The following LRP1B variants were observed in gnomAD, a reference collection of about 807,000 sequenced individuals.
LRP1B encodes LDL receptor related protein 1B, also known as low-density lipoprotein receptor-related protein 1B.
A neutral mutation model predicts 556.6 loss-of-function variants in LRP1B; 217 were observed. The ratio of observed to expected loss-of-function variants is 0.39; its 90% CI spans 0.35 to 0.44. The LOEUF (loss-of-function observed/expected upper bound fraction) is 0.44. Ranked by LOEUF, LRP1B falls within the 20% of genes least tolerant of loss-of-function variation. The probability of loss-of-function intolerance (pLI) is 1.00; values close to 1 mark genes in which losing one functional copy is unlikely to be tolerated. For missense variants in LRP1B, 5,053 were observed against 5,620.8 expected (o/e 0.90, Z 3.23); for synonymous variants, 2,047 against 1,865.8 (o/e 1.10, Z -2.50).
chr2:141,122,045 C>T (rs1349706152), intron 7 of LRP1B, among the ~76,000 whole-genome samples: 8 of 152,174 alleles, frequency 5.3e-5, no homozygotes, highest in Non-Finnish European at 7.4e-5. Flanking sequence ...ACTGGCTAGC[C>T]GTATGTAGAA....
At chr2:140,763,482 G>T (rs541705046) in intron 35 of LRP1B, among the ~76,000 whole-genome samples, 1 of 152,094 alleles carries the variant, frequency 6.6e-6, no homozygotes, top group Non-Finnish European at 1.5e-5. Flanking sequence ...TTCCTGAGGG[G>T]TGCTGAGTGC....
At chr2:140,267,696 T>C (rs1682272973) in intron 86 of LRP1B, among the ~76,000 whole-genome samples, 1 of 151,866 alleles carries the variant, frequency 6.6e-6, no homozygotes, top group Non-Finnish European at 1.5e-5. Flanking sequence ...TGTGGGGATA[T>C]AGAGGGCTGA....
intron 1 of LRP1B, among the ~76,000 whole-genome samples, chr2:141,935,322 T>C (rs1409976093): frequency 6.6e-6 from 1 of 152,132 alleles, no homozygotes; most frequent in African/African-American, 2.4e-5. Context: ...AACTACCACA[T>C]GTGACCAAAA....
intron 1 of LRP1B, among the ~76,000 whole-genome samples, chr2:142,128,903 T>C (rs1707753791): frequency 6.6e-6 from 1 of 152,228 alleles, no homozygotes; most frequent in Admixed American, 6.5e-5. Context: ...TTATGTTCTA[T>C]ACAAAATTCT....
intron 50 of LRP1B, among the ~76,000 whole-genome samples, chr2:140,515,631 A>G (rs1689862706): frequency 6.6e-6 from 1 of 152,048 alleles, no homozygotes; most frequent in Admixed American, 6.6e-5. Context: ...TAATTAGATG[A>G]CCTGTGAAAC....
intron 41 of LRP1B, among the ~76,000 whole-genome samples, chr2:140,688,587 T>C (rs976648036): frequency 2.0e-5 from 3 of 152,182 alleles, no homozygotes; most frequent in African/African-American, 7.2e-5. Context: ...ATTCTTCCCC[T>C]CCATATATGT....
At chr2:141,688,205 T>TAC (rs773794577) in intron 2 of LRP1B, among the ~76,000 whole-genome samples, 293 of 149,860 alleles carry the variant, frequency 2.0e-3, no homozygotes, top group Middle Eastern at 0.017. Flanking sequence ...CATATAAATA[T>TAC]ACACACACAC....
chr2:140,618,616 CATAAGAACAAAA>C (rs1683339363), intron 41 of LRP1B, among the ~76,000 whole-genome samples: 2 of 152,152 alleles, frequency 1.3e-5, no homozygotes, highest in South Asian at 2.1e-4. Flanking sequence ...CAAACTAAAA[CATAAGAACAAAA>C]ATCTGTTCAT....
chr2:140,347,310 T>G (rs1681734728), intron 77 of LRP1B, among the ~76,000 whole-genome samples: 1 of 151,844 alleles, frequency 6.6e-6, no homozygotes, highest in African/African-American at 2.4e-5. Flanking sequence ...AAAAATCCAT[T>G]CCTCTTGTAT....
intron 2 of LRP1B, among the ~76,000 whole-genome samples, chr2:141,584,390 T>C (rs1175454810): frequency 6.6e-6 from 1 of 152,146 alleles, no homozygotes; most frequent in Non-Finnish European, 1.5e-5. Context: ...GGAGCCAGAT[T>C]TGGTAAGAGA....
At chr2:140,851,856 G>T in intron 27 of LRP1B, 73 bp from the exon 28 acceptor site, 3 of 1,382,166 alleles carry the variant, frequency 2.2e-6, no homozygotes, top group Non-Finnish European at 2.9e-6. Context: ...GTTGACAGGG[G>T]TTATTCACCT....
chr2:141,321,169 T>C (rs1687223857), intron 3 of LRP1B, among the ~76,000 whole-genome samples: 1 of 152,148 alleles, frequency 6.6e-6, no homozygotes, highest in Non-Finnish European at 1.5e-5. Flanking sequence ...CAGTTCCTGA[T>C]GACCTCAGTA....
chr2:140,885,620 G>A (rs1483839445), intron 24 of LRP1B, among the ~76,000 whole-genome samples: 1 of 151,794 alleles, frequency 6.6e-6, no homozygotes, highest in African/African-American at 2.4e-5. Context: ...CAATGTGCTG[G>A]GATTATAGGT....
intron 2 of LRP1B, among the ~76,000 whole-genome samples, chr2:141,663,073 G>A (rs1201591049): frequency 6.6e-6 from 1 of 152,144 alleles, no homozygotes; most frequent in African/African-American, 2.4e-5. Flanking sequence ...TGAACAACCT[G>A]CTCCTGAATG....
At chr2:141,554,154 T>G (rs1479695446) in intron 2 of LRP1B, among the ~76,000 whole-genome samples, 2 of 145,518 alleles carry the variant, frequency 1.4e-5, no homozygotes, top group East Asian at 4.2e-4. Context: ...GACATAGATA[T>G]AGATTATATA....
At chr2:142,104,198 T>C (rs1333320847) in intron 1 of LRP1B, among the ~76,000 whole-genome samples, 3 of 152,132 alleles carry the variant, frequency 2.0e-5, no homozygotes, top group Non-Finnish European at 2.9e-5. Flanking sequence ...AGTGCTATTC[T>C]TCACTTCAAG....
At chr2:140,358,151 C>A in intron 73 of LRP1B, 35 bp from the exon 74 acceptor site, 1 of 1,593,038 alleles carries the variant, frequency 6.3e-7, no homozygotes, top group Non-Finnish European at 8.6e-7. Flanking sequence ...TAGTGCTTCA[C>A]AGAATCAAAA....
chr2:140,325,584 C>T (rs950953933), intron 80 of LRP1B, among the ~76,000 whole-genome samples, 178 bp downstream of exon 80: 7 of 152,008 alleles, frequency 4.6e-5, no homozygotes, highest in Admixed American at 4.6e-4. Flanking sequence ...CTGCCCTGGC[C>T]TCTATTTTTT....
chr2:140,647,782 G>A (rs935917616), intron 41 of LRP1B, among the ~76,000 whole-genome samples: 6 of 152,184 alleles, frequency 3.9e-5, no homozygotes, highest in Admixed American at 1.3e-4. Flanking sequence ...TAAAAATTCA[G>A]GAAACAACAG....
Sources: gnomAD v4.1 joint callset for allele counts (sites outside exome capture counted in the v4.1 genomes callset) on GRCh38, gnomAD v4.1.1 for gene constraint, MANE v1.5 for transcripts, NCBI Gene and HGNC (gene_info 2026-07-23, HGNC 2026-07-21) for gene names.